The following CNOT2 variants were observed in gnomAD, a reference collection of about 807,000 sequenced individuals.
The protein encoded by CNOT2 is CCR4-NOT transcription complex subunit 2.
Under a neutral mutation model 72.1 loss-of-function variants are expected in CNOT2, and 7 were observed. The ratio of observed to expected loss-of-function variants is 0.10; its 90% CI spans 0.06 to 0.18. The LOEUF is 0.18. Ranked by LOEUF, CNOT2 falls within the 10% of genes least tolerant of loss-of-function variation. CNOT2 has a pLI of 1.00. For missense variants in CNOT2, 345 were observed against 660.3 expected (o/e 0.52, Z 5.23); for synonymous variants, 196 against 225.6 (o/e 0.87, Z 1.17).
At position 70,254,705 on chromosome 12, in the gene CNOT2, G is replaced by A. The variant is rs575481567; in HGVS notation, c.-96+11225G>A. Among the ~76,000 whole-genome samples the A allele has an allele frequency of 2.6e-5, 4 of 152,242 alleles. No homozygotes were observed. In the East Asian group the frequency reaches 7.7e-4, roughly 29 times the overall value. On this transcript the variant is annotated intron_variant, in intron 1 of 15. Transcript: ENST00000229195. Reference sequence around the variant, plus strand: ...AATAGATATCTGGTTTATTAGGCTAGGCGCAGTAGCTCATGCCTGTAATCC... The same window carrying A: ...AATAGATATCTGGTTTATTAGGCTAAGCGCAGTAGCTCATGCCTGTAATCC...
intron 2 of CNOT2, among the ~76,000 whole-genome samples, chr12:70,297,543 A>G (rs370403040): frequency 1.5e-3 from 233 of 152,322 alleles, no homozygotes; most frequent in African/African-American, 5.5e-3. Context: ...ATGTAATGCT[A>G]TAATGTCTAC....
Position 70,352,949 on chromosome 12 carries a change from G to T in CNOT2, c.1537-880G>T, listed in dbSNP as rs1883052186. ...CAGCAGAACCATTGTCTAGTTTTCG[G>T]TGGCAGTTGATTTATATTTGAGTCA... On this transcript the variant is annotated intron_variant, in intron 15 of 15. Coordinates refer to ENST00000229195, the MANE Select transcript of CNOT2 (RefSeq NM_014515.7). Among the ~76,000 whole-genome samples, 5 of 152,040 alleles carry T rather than the reference G, an allele frequency of 3.3e-5. No individual in the cohort carries two copies. The South Asian group carries it at 1.0e-3, about 32-fold the overall frequency.
At chr12:70,319,494 A>T in intron 4 of CNOT2, 130 bp downstream of exon 4, 1 of 860,940 alleles carries the variant, frequency 1.2e-6, no homozygotes, top group African/African-American at 1.7e-5. Context: ...TTTAATTTTC[A>T]GAGTTTTATT....
At chr12:70,344,811 T>C (rs1157961762) in intron 14 of CNOT2, 3 of 152,250 alleles carry the variant, frequency 2.0e-5, no homozygotes, top group Non-Finnish European at 4.4e-5. Flanking sequence ...TTTGTAAATA[T>C]GTGAATTATA....
chr12:70,249,505 C>G (rs1379970909), intron 1 of CNOT2, among the ~76,000 whole-genome samples: 1 of 151,880 alleles, frequency 6.6e-6, no homozygotes, highest in African/African-American at 2.4e-5. Flanking sequence ...AGACTGGACT[C>G]AGAGTCTAAT....
At chr12:70,310,591 A>G (rs555899803) in intron 2 of CNOT2, among the ~76,000 whole-genome samples, 1 of 149,358 alleles carries the variant, frequency 6.7e-6, no homozygotes, top group African/African-American at 2.6e-5. Context: ...TAAAAAATCT[A>G]TGTATGGGAA....
intron 4 of CNOT2, among the ~76,000 whole-genome samples, chr12:70,328,954 T>C (rs764613887): frequency 3.3e-5 from 5 of 151,956 alleles, no homozygotes; most frequent in Admixed American, 6.6e-5. Flanking sequence ...TTCTAAAATA[T>C]AATTTTAAAG....
intron 14 of CNOT2, 159 bp downstream of exon 14, chr12:70,344,387 T>C (rs1881900062): frequency 5.3e-6 from 3 of 562,024 alleles, no homozygotes; most frequent in African/African-American, 1.9e-5. Flanking sequence ...ATTAAAACCG[T>C]ATCTTAACCA....
chr12:70,328,557 A>G (rs1324105446), intron 4 of CNOT2, among the ~76,000 whole-genome samples: 1 of 151,894 alleles, frequency 6.6e-6, no homozygotes, highest in Non-Finnish European at 1.5e-5. Context: ...GGAAAAAAAT[A>G]AACGTATGCT....
At chr12:70,262,930 C>G (rs1397577793) in intron 1 of CNOT2, among the ~76,000 whole-genome samples, 1 of 152,154 alleles carries the variant, frequency 6.6e-6, no homozygotes, top group Non-Finnish European at 1.5e-5. Flanking sequence ...ACCTCGGCCT[C>G]TCAAAGTACT....
chr12:70,349,659 A>G (rs529737228), intron 15 of CNOT2, among the ~76,000 whole-genome samples: 1 of 152,302 alleles, frequency 6.6e-6, no homozygotes, highest in African/African-American at 2.4e-5. Context: ...CTAGAATCCA[A>G]TCCATTATTT....
chr12:70,265,162 A>T (rs1356709483), intron 1 of CNOT2, among the ~76,000 whole-genome samples: 1 of 152,004 alleles, frequency 6.6e-6, no homozygotes, highest in East Asian at 1.9e-4. Context: ...AAATGACTTA[A>T]GTGTTTTGTG....
chr12:70,253,017 A>G (rs1248760869), intron 1 of CNOT2, among the ~76,000 whole-genome samples: 2 of 152,228 alleles, frequency 1.3e-5, no homozygotes, highest in African/African-American at 4.8e-5. Flanking sequence ...CTTAGAGTCT[A>G]AACATGTTTT....
intron 1 of CNOT2, among the ~76,000 whole-genome samples, chr12:70,252,417 G>A (rs113087940): frequency 2.0e-5 from 3 of 152,020 alleles, no homozygotes; most frequent in African/African-American, 4.8e-5. Context: ...GAACTCCTGC[G>A]CTCAAGCCAT....
At chr12:70,348,030 C>G (rs1282206199) in intron 15 of CNOT2, 1 of 152,076 alleles carries the variant, frequency 6.6e-6, no homozygotes, top group Admixed American at 6.5e-5. Context: ...CCTGTTTCCT[C>G]TTTTGTAAAA....
At chr12:70,349,765 T>G (rs566520444) in intron 15 of CNOT2, among the ~76,000 whole-genome samples, 1 of 152,260 alleles carries the variant, frequency 6.6e-6, no homozygotes, top group East Asian at 1.9e-4. Flanking sequence ...TTTGGGAGAA[T>G]GAGGCAAGAC....
At chr12:70,255,158 T>C (rs1402987948) in intron 1 of CNOT2, among the ~76,000 whole-genome samples, 1 of 152,102 alleles carries the variant, frequency 6.6e-6, no homozygotes, top group East Asian at 1.9e-4. Context: ...TCTATGTATC[T>C]ATAGCAGGAA....
At chr12:70,340,676 T>A (rs1281025702) in intron 11 of CNOT2, among the ~76,000 whole-genome samples, 1 of 151,928 alleles carries the variant, frequency 6.6e-6, no homozygotes, top group Non-Finnish European at 1.5e-5. Flanking sequence ...TAACCAAAGC[T>A]CACTACTTTT....
At chr12:70,295,421 C>T (rs1384897581) in intron 2 of CNOT2, among the ~76,000 whole-genome samples, 1 of 152,112 alleles carries the variant, frequency 6.6e-6, no homozygotes, top group Non-Finnish European at 1.5e-5. Flanking sequence ...CAGCAAAGTA[C>T]ATCCCGTTTT....
Sources: gnomAD v4.1 joint callset for allele counts (sites outside exome capture counted in the v4.1 genomes callset) on GRCh38, gnomAD v4.1.1 for gene constraint, MANE v1.5 for transcripts, NCBI Gene and HGNC (gene_info 2026-07-23, HGNC 2026-07-21) for gene names.